DNAH9: variants seen among roughly 807,000 people sequenced by gnomAD.
The protein encoded by DNAH9 is DNAH9 variant protein.
DNAH9 carries 345 observed loss-of-function variants against 471.6 expected under a neutral mutation model. That is an observed-to-expected ratio of 0.73 (90% CI 0.67 to 0.80). The LOEUF (loss-of-function observed/expected upper bound fraction) is 0.80. Among genes scored for constraint, DNAH9 ranks in the 30% least tolerant of loss-of-function variants. The probability of loss-of-function intolerance (pLI) is 0.00; values close to 1 mark genes in which losing one functional copy is unlikely to be tolerated. For missense variants in DNAH9, 5,407 were observed against 5,609.2 expected (o/e 0.96, Z 1.15); for synonymous variants, 2,093 against 2,123.6 (o/e 0.99, Z 0.40).
intron 65 of DNAH9, among the ~76,000 whole-genome samples, chr17:11,936,654 T>C (rs1182711855): frequency 6.6e-6 from 1 of 151,922 alleles, no homozygotes; most frequent in Non-Finnish European, 1.5e-5. Context: ...ACACACACAA[T>C]AAAATAAAAT....
At chr17:11,611,591 C>T in intron 3 of DNAH9, 59 bp from the exon 4 acceptor site, 1 of 1,568,144 alleles carries the variant, frequency 6.4e-7, no homozygotes. Flanking sequence ...TGGGTCATCA[C>T]AGTGTGACTT....
At chr17:11,753,947 T>A (rs1396144115) in intron 33 of DNAH9, among the ~76,000 whole-genome samples, 1 of 152,156 alleles carries the variant, frequency 6.6e-6, no homozygotes, top group African/African-American at 2.4e-5. Context: ...TTACATTTTC[T>A]GCACCTCTCC....
chr17:11,872,819 C>CTGAG (rs2150987215), intron 52 of DNAH9, among the ~76,000 whole-genome samples: 1 of 152,292 alleles, frequency 6.6e-6, no homozygotes, highest in South Asian at 2.1e-4. Flanking sequence ...ACTCGGGAGG[C>CTGAG]TGAGGCAGGA....
chr17:11,680,710 G>A lies in DNAH9; in HGVS notation c.3577-13G>A. On this transcript the variant is annotated splice_polypyrimidine_tract_variant and intron_variant, in intron 18 of 68. Coordinates refer to ENST00000262442, the MANE Select transcript of DNAH9 (RefSeq NM_001372.4). ...ACCTTGGGAATCTGACCACACTGAG[G>A]TTTCCTTTGCAGGAGCTGCCTGAGA... 6.2e-7 allele frequency: 1 copy of A among 1,613,606 alleles called. No individual in the cohort carries two copies. Among genetic ancestry groups the A allele is most frequent in the African/African-American group, 1.3e-5 (1 of 75,040 alleles).
intron 20 of DNAH9, among the ~76,000 whole-genome samples, chr17:11,692,206 C>T (rs2074345580): frequency 6.6e-6 from 1 of 152,144 alleles, no homozygotes; most frequent in Admixed American, 6.6e-5. Flanking sequence ...GCTGTGGGAC[C>T]TTGGGCAGGA....
chr17:11,879,080 C>A (rs1972616859), intron 53 of DNAH9, among the ~76,000 whole-genome samples: 1 of 151,926 alleles, frequency 6.6e-6, no homozygotes, highest in South Asian at 2.1e-4. Flanking sequence ...TTATTCTTTT[C>A]TATGTATCTA....
intron 43 of DNAH9, among the ~76,000 whole-genome samples, chr17:11,805,500 T>C (rs571372241): frequency 1.2e-4 from 18 of 148,712 alleles, no homozygotes; most frequent in African/African-American, 3.7e-4. Context: ...CTCTACTCTA[T>C]TTGGCCAAAC....
intron 42 of DNAH9, among the ~76,000 whole-genome samples, chr17:11,795,126 C>T (rs942511278): frequency 2.6e-5 from 4 of 152,022 alleles, no homozygotes; most frequent in Admixed American, 6.6e-5. Flanking sequence ...TCTTGAATAA[C>T]TCTAATTCAC....
At chr17:11,853,334 C>T (rs1971501446) in intron 49 of DNAH9, 1 of 152,476 alleles carries the variant, frequency 6.6e-6, no homozygotes, top group African/African-American at 2.4e-5. Flanking sequence ...AGCGAGTTCT[C>T]CTGCCCCCAA....
intron 19 of DNAH9, among the ~76,000 whole-genome samples, chr17:11,686,264 C>A (rs1012681379): frequency 3.3e-5 from 5 of 152,170 alleles, no homozygotes; most frequent in African/African-American, 1.2e-4. Context: ...AGGCCTGAAT[C>A]AGTCATTTTT....
chr17:11,805,641 G>A (rs936253437), intron 43 of DNAH9, among the ~76,000 whole-genome samples: 10 of 132,424 alleles, frequency 7.6e-5, no homozygotes, highest in African/African-American at 2.3e-4. Context: ...TGTAACCTCC[G>A]CCTCCTATGA....
At chr17:11,601,853 G>A (rs752287210) in intron 1 of DNAH9, among the ~76,000 whole-genome samples, 8 of 152,242 alleles carry the variant, frequency 5.3e-5, no homozygotes, top group African/African-American at 9.6e-5. Flanking sequence ...GCTGAGAGAC[G>A]TCTTCCTGCC....
intron 17 of DNAH9, among the ~76,000 whole-genome samples, chr17:11,671,495 G>A (rs932053951): frequency 3.9e-5 from 6 of 152,150 alleles, no homozygotes; most frequent in Admixed American, 3.3e-4. Context: ...CAGGATTGGC[G>A]AGTTTGAACA....
chr17:11,633,092 C>T (rs750659082), intron 8 of DNAH9, among the ~76,000 whole-genome samples: 2 of 151,992 alleles, frequency 1.3e-5, no homozygotes, highest in African/African-American at 4.8e-5. Context: ...TTTCAGGCAT[C>T]GATAACTGGA....
intron 17 of DNAH9, among the ~76,000 whole-genome samples, chr17:11,670,696 C>A (rs2150729809): frequency 6.9e-6 from 1 of 145,412 alleles, no homozygotes; most frequent in African/African-American, 2.7e-5. Context: ...CCCAAGAACG[C>A]TTTGTGGGGA....
chr17:11,953,799 A>G (rs1239817814), intron 67 of DNAH9: 1 of 151,872 alleles, frequency 6.6e-6, no homozygotes, highest in Non-Finnish European at 1.5e-5. Flanking sequence ...AAATGAAGCC[A>G]GAAATGACAG....
chr17:11,647,130 A>G lies in DNAH9; in HGVS notation c.2029A>G (p.Asn677Asp), dbSNP rs2073409580. The G allele has an allele frequency of 6.2e-7, 1 of 1,614,008 alleles. No homozygotes were observed. The highest frequency in any genetic ancestry group is 8.5e-7 in the Non-Finnish European group (1 of 1,179,928). ...CRTVSEKSQY[N>D]LSQPLLKRDP... ...GACAGTATCAGAGAAGTCACAGTAC[A>G]ATCTTTCCCAACCACTTCTAAAACG... Residue 677 changes from asparagine (N) to aspartate (D), a missense_variant, in exon 12 of 69, where the codon AAT (asparagine) becomes GAT (aspartate). Physicochemically the swap from Asn to Asp is conservative, Grantham distance 23 (BLOSUM62 1). Around this residue, in one of 3 missense-constraint regions of DNAH9, gnomAD observed 4,636 missense variants for 4,900.3 expected, o/e 0.95. Coordinates refer to ENST00000262442, the MANE Select transcript of DNAH9 (RefSeq NM_001372.4).
At chr17:11,736,898 G>A (rs1238051434) in intron 28 of DNAH9, among the ~76,000 whole-genome samples, 3 of 152,218 alleles carry the variant, frequency 2.0e-5, no homozygotes, top group Non-Finnish European at 1.5e-5. Flanking sequence ...ACTTATAAAC[G>A]CTAATTAAAC....
At chr17:11,719,238 T>C in intron 26 of DNAH9, 96 bp from the exon 27 acceptor site, 4 of 1,290,128 alleles carry the variant, frequency 3.1e-6, no homozygotes, top group Non-Finnish European at 4.3e-6. Context: ...TGGCTTTCTT[T>C]TCAGAAGCTA....
Sources: allele counts gnomAD v4.1 joint callset (sites outside exome capture counted in the v4.1 genomes callset), GRCh38; gene constraint gnomAD v4.1.1; regional missense constraint gnomAD v4.1.1; transcripts MANE v1.5; gene names NCBI Gene and HGNC (gene_info 2026-07-23, HGNC 2026-07-21).